The following RAP1GAP2 variants were observed in gnomAD, a reference collection of about 807,000 sequenced individuals.
RAP1GAP2 encodes the protein rap1 GTPase-activating protein 2.
Under a neutral mutation model 95.0 loss-of-function variants are expected in RAP1GAP2, and 27 were observed. That is an observed-to-expected ratio of 0.28 (90% CI 0.21 to 0.39). The LOEUF is 0.39. Among genes scored for constraint, RAP1GAP2 ranks in the 10% least tolerant of loss-of-function variants. The pLI, the probability that RAP1GAP2 is intolerant of heterozygous loss-of-function variation, is 1.00. For synonymous variants in RAP1GAP2, 373 were observed against 380.9 expected (o/e 0.98, Z 0.24); for missense variants, 771 against 970.0 (o/e 0.79, Z 2.72).
In RAP1GAP2 at chr17:2,962,516, C is replaced by T. The variant is rs531026735; in HGVS notation, c.202-154C>T. The T allele has an allele frequency of 2.9e-4, 215 of 736,324 alleles. No homozygotes were observed. The African/African-American group carries it at 3.2e-3, about 11-fold the overall frequency. The allele number at this position is 736,324 out of a possible 1,614,324, so 45.6% of individuals were successfully genotyped here. ...CCTCACCTGAGGCTGCTGTGAGGCC[C>T]GCCCCTGGCCAGGTGTGATGTGTGC... On this transcript the variant is annotated intron_variant, in intron 4 of 24. Transcript: ENST00000254695.
intron 2 of RAP1GAP2, among the ~76,000 whole-genome samples, chr17:2,852,813 G>A (rs1249677490): frequency 1.3e-5 from 2 of 152,190 alleles, no homozygotes; most frequent in Non-Finnish European, 2.9e-5. Flanking sequence ...GAGGGCGATT[G>A]TGAGCGAGGC....
intron 2 of RAP1GAP2, among the ~76,000 whole-genome samples, chr17:2,850,202 A>G (rs1181800822): frequency 1.3e-4 from 19 of 150,004 alleles, no homozygotes; most frequent in South Asian, 2.1e-4. Context: ...GGGTTTCACC[A>G]TGTTAGCCAG....
At chr17:2,954,007 G>C (rs1049784137) in intron 3 of RAP1GAP2, among the ~76,000 whole-genome samples, 1 of 152,092 alleles carries the variant, frequency 6.6e-6, no homozygotes, top group African/African-American at 2.4e-5. Flanking sequence ...ATCCCCCTCA[G>C]CTTAAGCAAG....
intron 2 of RAP1GAP2, among the ~76,000 whole-genome samples, chr17:2,889,883 A>T (rs1284434436): frequency 1.4e-3 from 96 of 69,706 alleles, no homozygotes; most frequent in African/African-American, 5.8e-3. Context: ...ATATATATAT[A>T]TATATATTTT....
At chr17:2,840,940 G>A (rs1012717644) in intron 2 of RAP1GAP2, among the ~76,000 whole-genome samples, 1 of 152,112 alleles carries the variant, frequency 6.6e-6, no homozygotes, top group Admixed American at 6.6e-5. Context: ...GGAGGCTGCA[G>A]TGAGCCGAGA....
intron 2 of RAP1GAP2, among the ~76,000 whole-genome samples, chr17:2,842,936 T>G (rs561072840): frequency 6.6e-6 from 1 of 152,096 alleles, no homozygotes; most frequent in African/African-American, 2.4e-5. Context: ...CTTCCGTCTT[T>G]CCCCTTCTTT....
chr17:2,794,675 C>T (rs1046977872), upstream of RAP1GAP2, among the ~76,000 whole-genome samples: 3 of 152,322 alleles, frequency 2.0e-5, no homozygotes, highest in Non-Finnish European at 1.5e-5. Flanking sequence ...CTTGAGGCCC[C>T]TGTGCTGTCC....
At chr17:2,828,120 C>T (rs12603408) in intron 2 of RAP1GAP2, among the ~76,000 whole-genome samples, 28,548 of 152,204 alleles carry the variant, frequency 0.19, 2,991 homozygotes, top group South Asian at 0.35. Flanking sequence ...GCTGGCGGAT[C>T]ACTTGAGGTC....
chr17:2,915,556 C>T (rs1263339338), intron 3 of RAP1GAP2, among the ~76,000 whole-genome samples: 1 of 152,144 alleles, frequency 6.6e-6, no homozygotes, highest in Non-Finnish European at 1.5e-5. Context: ...TTAACGGTGT[C>T]TTTAATGAGC....
intron 1 of RAP1GAP2, among the ~76,000 whole-genome samples, chr17:2,777,991 G>A (rs62069990): frequency 2.4e-5 from 1 of 42,066 alleles, no homozygotes; most frequent in Non-Finnish European, 5.4e-5. Context: ...GCTGGGAGGC[G>A]GGGAGGCTGG....
chr17:2,882,507 G>T (rs939840940), intron 2 of RAP1GAP2, among the ~76,000 whole-genome samples: 2 of 150,544 alleles, frequency 1.3e-5, no homozygotes, highest in Non-Finnish European at 2.9e-5. Context: ...GGCCAGGCTG[G>T]TCTCCATCTC....
intron 3 of RAP1GAP2, among the ~76,000 whole-genome samples, chr17:2,932,584 CA>C (rs71153311): frequency 9.4e-3 from 491 of 52,328 alleles, no homozygotes; most frequent in African/African-American, 0.029. Context: ...GACTCCATCT[CA>C]AAAAAAAAAA....
intron 8 of RAP1GAP2, among the ~76,000 whole-genome samples, chr17:2,977,140 A>C: frequency 6.7e-6 from 1 of 150,060 alleles, no homozygotes; most frequent in East Asian, 1.9e-4. Context: ...AAAAAAAAGA[A>C]AAAAAGAAAA....
rs529622551 is a variant in RAP1GAP2 at position 2,802,128 on chromosome 17, C to T, written c.80+1578C>T. 1.6e-4 allele frequency among the ~76,000 whole-genome samples: 25 copies of T among 152,256 alleles called. No individual in the cohort carries two copies. In the East Asian group the frequency reaches 2.1e-3, roughly 13 times the overall value. On this transcript the variant is annotated intron_variant, in intron 2 of 24. Coordinates refer to ENST00000254695, the MANE Select transcript of RAP1GAP2 (RefSeq NM_015085.5). ...TTCCTCCAATGAATCGCCCTCCTTC[C>T]GAGGCAGCTTCTCTGGGTTGTCACT...
rs1166847172 is a variant in RAP1GAP2 at position 3,032,329 on chromosome 17, G to C, written c.2185-82G>C. On this transcript the variant is annotated intron_variant, in intron 23 of 24. Coordinates refer to ENST00000254695, the MANE Select transcript of RAP1GAP2 (RefSeq NM_015085.5). ...CTTCCTGAGCTCACCAGACTGTTGAGAGCTGAGTGCACAGAGCCGCCGTGG... is the reference window on the plus strand; with the variant it reads ...CTTCCTGAGCTCACCAGACTGTTGACAGCTGAGTGCACAGAGCCGCCGTGG... The C allele has an allele frequency of 2.0e-6, 3 of 1,524,632 alleles. No individual in the cohort carries two copies. In the African/African-American group the frequency reaches 4.1e-5, roughly 21 times the overall value. 94.4% of individuals were successfully genotyped at this position (1,524,632 alleles called of 1,614,324 possible).
intron 2 of RAP1GAP2, among the ~76,000 whole-genome samples, chr17:2,899,910 G>A (rs193206185): frequency 1.1e-3 from 164 of 152,268 alleles, no homozygotes; most frequent in African/African-American, 3.8e-3. Context: ...TTATCTGTTC[G>A]TTGGCGGATG....
intron 2 of RAP1GAP2, among the ~76,000 whole-genome samples, chr17:2,874,721 G>A (rs1464460344): frequency 6.6e-6 from 1 of 152,094 alleles, no homozygotes; most frequent in East Asian, 1.9e-4. Flanking sequence ...GCCAGGAAAA[G>A]CCCCAAACCC....
intron 11 of RAP1GAP2, among the ~76,000 whole-genome samples, chr17:2,989,431 C>T (rs1167555342): frequency 1.3e-5 from 2 of 152,070 alleles, no homozygotes; most frequent in Non-Finnish European, 2.9e-5. Context: ...CTCCCGGGTT[C>T]CAGCGATTCT....
chr17:3,033,619 C>G lies in RAP1GAP2; in HGVS notation c.*258C>G, dbSNP rs1333015842. 6.5e-6 allele frequency: 1 copy of G among 153,294 alleles called. No homozygotes were observed. The highest frequency in any genetic ancestry group is 1.5e-5 in the Non-Finnish European group (1 of 68,504). 9.5% of individuals were successfully genotyped at this position (153,294 alleles called of 1,614,324 possible). A position where few individuals can be genotyped will look rare whatever the true frequency, so the allele number is the denominator to read the frequency against. ...CTCCTTCCTCAGGTTCCTCCTGCTCCTGACCTCCCAGTGTGATGTCCGGGT... is the reference window on the plus strand; with the variant it reads ...CTCCTTCCTCAGGTTCCTCCTGCTCGTGACCTCCCAGTGTGATGTCCGGGT... On this transcript the variant is annotated 3_prime_UTR_variant, in exon 25 of 25. Transcript: ENST00000254695. The surrounding 1 kb of genome is among the most constrained non-coding windows in gnomAD (Gnocchi z 4.9).
Sources: gnomAD v4.1 joint callset for allele counts (sites outside exome capture counted in the v4.1 genomes callset) on GRCh38, gnomAD v4.1.1 for gene constraint, Gnocchi (gnomAD v3.1) non-coding constraint, MANE v1.5 for transcripts, NCBI Gene and HGNC (gene_info 2026-07-23, HGNC 2026-07-21) for gene names.